MACROD2: variants seen among roughly 807,000 people sequenced by gnomAD.
MACROD2 encodes mono-ADP ribosylhydrolase 2, also known as ADP-ribose glycohydrolase MACROD2.
Under a neutral mutation model 70.4 loss-of-function variants are expected in MACROD2, and 36 were observed. The observed-to-expected ratio is 0.51, with a 90% CI of 0.39 to 0.68. MACROD2 has a LOEUF of 0.68. MACROD2 is among the 30% of genes least tolerant of loss of function. MACROD2 has a pLI of 0.00. For synonymous variants in MACROD2, 172 were observed against 178.8 expected, an observed-to-expected ratio of 0.96 and a Z score of 0.30; for missense variants, 496 against 538.4, an observed-to-expected ratio of 0.92 and a Z score of 0.78.
chr20:14,485,967 T>G (rs1225263663), intron 3 of MACROD2, among the ~76,000 whole-genome samples: 1 of 151,850 alleles, frequency 6.6e-6, no homozygotes, highest in African/African-American at 2.4e-5. Context: ...ACTAAGAGAG[T>G]TAGCCTCTGA....
intron 10 of MACROD2, 97 bp from the exon 11 acceptor site, chr20:15,933,179 T>G: frequency 8.4e-7 from 1 of 1,185,614 alleles, no homozygotes; most frequent in Non-Finnish European, 1.2e-6. Context: ...TCATGCTACA[T>G]TGGTTACAAT....
chr20:15,890,406 T>C (rs1253946392), intron 10 of MACROD2, among the ~76,000 whole-genome samples: 1 of 152,166 alleles, frequency 6.6e-6, no homozygotes, highest in Non-Finnish European at 1.5e-5. Flanking sequence ...TGCAGTGACA[T>C]AGAAGGGTTA....
At chr20:16,032,826 G>C (rs1321195744) in intron 15 of MACROD2, among the ~76,000 whole-genome samples, 4 of 151,590 alleles carry the variant, frequency 2.6e-5, no homozygotes, top group Admixed American at 2.0e-4. Context: ...GGAAAAAAGA[G>C]AGAAGGAAGG....
intron 3 of MACROD2, among the ~76,000 whole-genome samples, chr20:14,343,779 T>C (rs1323784604): frequency 6.6e-6 from 1 of 152,226 alleles, no homozygotes; most frequent in African/African-American, 2.4e-5. Context: ...TAACAGTTAA[T>C]AGGAGCAGAT....
At chr20:14,506,477 G>C (rs909062821) in intron 4 of MACROD2, among the ~76,000 whole-genome samples, 3 of 152,020 alleles carry the variant, frequency 2.0e-5, no homozygotes, top group African/African-American at 7.2e-5. Flanking sequence ...AACTTACAAT[G>C]AATCAGGAGT....
intron 3 of MACROD2, among the ~76,000 whole-genome samples, chr20:14,114,115 G>A (rs2054486995): frequency 6.6e-6 from 1 of 152,092 alleles, no homozygotes; most frequent in Non-Finnish European, 1.5e-5. Context: ...TGTCTTCTGA[G>A]TACTTACAAA....
chr20:14,170,773 C>T (rs1195637645), intron 3 of MACROD2, among the ~76,000 whole-genome samples: 1 of 152,078 alleles, frequency 6.6e-6, no homozygotes, highest in Non-Finnish European at 1.5e-5. Context: ...ATTTTTGCAT[C>T]TATGTTCATT....
At chr20:14,268,367 C>A (rs780255059) in intron 3 of MACROD2, among the ~76,000 whole-genome samples, 23 of 152,066 alleles carry the variant, frequency 1.5e-4, no homozygotes, top group Non-Finnish European at 3.1e-4. Context: ...ACAAATATCA[C>A]GCTTTGCCTT....
At position 15,532,673 on chromosome 20, in the gene MACROD2, A is replaced by G. The variant is rs549599754; in HGVS notation, c.645+32826A>G. The stretch of plus-strand genomic sequence containing the variant: ...AATAAACCAAAAAATAAGCACACCT[A>G]AAAAACACAGAATGCTACAAACACA... On this transcript the variant is annotated intron_variant, in intron 8 of 17. Coordinates refer to ENST00000684519, the MANE Select transcript of MACROD2 (RefSeq NM_001351661.2). Among the ~76,000 whole-genome samples the G allele has an allele frequency of 2.2e-4, 30 of 134,974 alleles. No homozygotes were observed. The South Asian group carries it at 5.5e-3, about 25-fold the overall frequency. 88.5% of individuals were successfully genotyped at this position (134,974 alleles called of 152,430 possible).
At chr20:15,636,045 C>T (rs1380643434) in intron 8 of MACROD2, among the ~76,000 whole-genome samples, 1 of 122,024 alleles carries the variant, frequency 8.2e-6, no homozygotes, top group Non-Finnish European at 1.6e-5. Flanking sequence ...TCCATCCAGC[C>T]TGGGCGACAG....
intron 5 of MACROD2, among the ~76,000 whole-genome samples, chr20:14,868,169 A>C (rs539560373): frequency 6.6e-6 from 1 of 150,604 alleles, no homozygotes; most frequent in African/African-American, 2.4e-5. Context: ...TCTCTCCCAT[A>C]TCTTTTTCTT....
intron 8 of MACROD2, among the ~76,000 whole-genome samples, chr20:15,772,058 C>T (rs1168521512): frequency 9.0e-5 from 12 of 132,848 alleles, no homozygotes; most frequent in African/African-American, 2.8e-4. Flanking sequence ...GCACTCCAGC[C>T]TGAGCGACAA....
chr20:15,403,953 C>T (rs532326738), intron 6 of MACROD2, among the ~76,000 whole-genome samples: 14 of 152,168 alleles, frequency 9.2e-5, no homozygotes, highest in Non-Finnish European at 2.1e-4. Context: ...AGCAATAGAG[C>T]AAGAGGAGTA....
intron 17 of MACROD2, among the ~76,000 whole-genome samples, chr20:16,049,510 T>C (rs2067429438): frequency 6.6e-6 from 1 of 152,200 alleles, no homozygotes; most frequent in Non-Finnish European, 1.5e-5. Context: ...AGCATGGGCC[T>C]GAAAAGGGAA....
chr20:15,298,514 A>T (rs765488493), intron 6 of MACROD2, among the ~76,000 whole-genome samples: 2 of 152,238 alleles, frequency 1.3e-5, no homozygotes, highest in Non-Finnish European at 2.9e-5. Context: ...TACCTTTGAG[A>T]TGTAAACACC....
chr20:15,481,687 A>T (rs929736884), intron 7 of MACROD2, among the ~76,000 whole-genome samples: 2 of 142,114 alleles, frequency 1.4e-5, no homozygotes, highest in African/African-American at 5.8e-5. Flanking sequence ...ATAAACATTA[A>T]AAAAAAAAAA....
intron 9 of MACROD2, among the ~76,000 whole-genome samples, chr20:15,872,296 T>A (rs916354351): frequency 6.6e-6 from 1 of 152,170 alleles, no homozygotes; most frequent in Non-Finnish European, 1.5e-5. Flanking sequence ...CATGAGCTGC[T>A]AAGGTTTTCT....
chr20:15,785,351 T>C (rs1387092119), intron 8 of MACROD2, among the ~76,000 whole-genome samples: 2 of 152,044 alleles, frequency 1.3e-5, no homozygotes, highest in Admixed American at 1.3e-4. Flanking sequence ...GATGGATTCA[T>C]GGGAACTGAG....
chr20:14,494,749 T>C (rs2084834937), intron 4 of MACROD2, among the ~76,000 whole-genome samples: 1 of 152,170 alleles, frequency 6.6e-6, no homozygotes, highest in Non-Finnish European at 1.5e-5. Flanking sequence ...CTTTCCTAAG[T>C]TATTTTAGAA....
Sources: allele counts gnomAD v4.1 joint callset (sites outside exome capture counted in the v4.1 genomes callset), GRCh38; gene constraint gnomAD v4.1.1; transcripts MANE v1.5; gene names NCBI Gene and HGNC (gene_info 2026-07-23, HGNC 2026-07-21).